The following PLSCR4 variants were observed in gnomAD, a reference collection of about 807,000 sequenced individuals.
PLSCR4 encodes the protein Ca(2+)-dependent phospholipid scramblase 4.
In PLSCR4, 25 loss-of-function variants were observed where a neutral mutation model predicts 36.3. The observed-to-expected ratio is 0.69, with a 90% confidence interval of 0.50 to 0.96. The LOEUF (loss-of-function observed/expected upper bound fraction) is 0.96. PLSCR4 is among the 40% of genes least tolerant of loss of function. PLSCR4 has a pLI of 0.00. For synonymous variants in PLSCR4, 122 were observed against 132.9 expected, an observed-to-expected ratio of 0.92 and a Z score of 0.56; for missense variants, 408 against 414.7, an observed-to-expected ratio of 0.98 and a Z score of 0.14.
At chr3:146,208,143 T>G (rs2034433195) in intron 3 of PLSCR4, among the ~76,000 whole-genome samples, 1 of 152,084 alleles carries the variant, frequency 6.6e-6, no homozygotes, top group Non-Finnish European at 1.5e-5. Flanking sequence ...TACAGCCAAC[T>G]GATCTTTGAC....
intron 2 of PLSCR4, among the ~76,000 whole-genome samples, chr3:146,221,403 A>C (rs1287189608): frequency 6.6e-6 from 1 of 152,244 alleles, no homozygotes; most frequent in Admixed American, 6.5e-5. Flanking sequence ...TGTCACACAC[A>C]ACTGAATTAG....
At chr3:146,211,502 TTTTC>T (rs767925061) in intron 3 of PLSCR4, among the ~76,000 whole-genome samples, 2 of 152,182 alleles carry the variant, frequency 1.3e-5, no homozygotes, top group Non-Finnish European at 2.9e-5. Context: ...GTAGGTTGTC[TTTTC>T]TCTTTGATAG....
At chr3:146,234,177 G>C (rs1222800163) in intron 1 of PLSCR4, among the ~76,000 whole-genome samples, 2 of 152,000 alleles carry the variant, frequency 1.3e-5, no homozygotes, top group Non-Finnish European at 2.9e-5. Context: ...ACCAGAAAAA[G>C]TACAATCAAA....
intron 6 of PLSCR4, among the ~76,000 whole-genome samples, chr3:146,198,221 G>A (rs902182890): frequency 6.6e-6 from 1 of 152,116 alleles, no homozygotes; most frequent in Admixed American, 6.6e-5. Context: ...GAGGACTTTG[G>A]TGATGATGGA....
rs1277182340 is a variant in PLSCR4, at chr3:146,194,438, T to C, written c.963A>G (p.Glu321=). ...ATCTTGAACGTTGTGGTGGAGATCTTTCAAAATACATGAAGTCCTGAAATT... is the reference window on the plus strand; with the variant it reads ...ATCTTGAACGTTGTGGTGGAGATCTCTCAAAATACATGAAGTCCTGAAATT... ...ACFLIDFMYF[E]RSPPQRSR is the part of the protein sequence containing the mutation. The change falls in exon 9 of 9, where the codon GAA becomes GAG. Residue 321 remains glutamate (E), a synonymous_variant. Transcript: ENST00000354952. The C allele has an allele frequency of 1.2e-6, 2 of 1,603,750 alleles. No homozygotes were observed. The highest frequency in any genetic ancestry group is 1.7e-6 in the Non-Finnish European group (2 of 1,170,994).
intron 4 of PLSCR4, among the ~76,000 whole-genome samples, chr3:146,202,004 G>A (rs1294353606): frequency 1.3e-5 from 2 of 151,854 alleles, no homozygotes; most frequent in Admixed American, 6.6e-5. Context: ...ATTAATTAAT[G>A]AAGAATATAT....
intron 5 of PLSCR4, among the ~76,000 whole-genome samples, chr3:146,200,753 A>C (rs1200989219): frequency 6.6e-6 from 1 of 152,024 alleles, no homozygotes; most frequent in Non-Finnish European, 1.5e-5. Flanking sequence ...CATCTTTGAA[A>C]GGTAAATGTG....
chr3:146,195,680 T>C (rs1240366777), intron 7 of PLSCR4, among the ~76,000 whole-genome samples: 2 of 152,192 alleles, frequency 1.3e-5, no homozygotes, highest in Admixed American at 6.5e-5. Context: ...CTTAAGTTTT[T>C]GTGAGTGAAA....
At chr3:146,235,148 A>G (rs1461063019) in intron 1 of PLSCR4, among the ~76,000 whole-genome samples, 1 of 152,162 alleles carries the variant, frequency 6.6e-6, no homozygotes, top group Non-Finnish European at 1.5e-5. Flanking sequence ...AAGAAAATCC[A>G]AAGATGATGA....
intron 1 of PLSCR4, among the ~76,000 whole-genome samples, chr3:146,248,382 C>G (rs984287672): frequency 1.3e-5 from 2 of 152,090 alleles, no homozygotes; most frequent in African/African-American, 4.8e-5. Context: ...CATCACTACT[C>G]ATAATAATAT....
At chr3:146,196,595 G>C (rs565437545) in intron 7 of PLSCR4, 37 bp downstream of exon 7, 1 of 1,599,582 alleles carries the variant, frequency 6.3e-7, no homozygotes, top group South Asian at 1.1e-5. Flanking sequence ...ATATGAGTAG[G>C]AAAAATATCA....
rs2033652670 is a variant in PLSCR4 at position 146,195,149 on chromosome 3, A to T, written c.920T>A (p.Met307Lys). The change falls in exon 8 of 9, where the codon ATG becomes AAG. Residue 307 changes from methionine to lysine, a missense_variant. Transcript: ENST00000354952. ...AATGAGGAAGCAAGCTCCAAAAATC[A>T]TGGCTTTCATCTTCACATCCAGGTC... ...PLDLDVKMKA[M>K]IFGACFLIDF... 2 of 1,613,932 alleles carry T rather than the reference A, an allele frequency of 1.2e-6. No homozygotes were observed. Among genetic ancestry groups the T allele is most frequent in the Non-Finnish European group, 1.7e-6 (2 of 1,179,888 alleles).
intron 1 of PLSCR4, among the ~76,000 whole-genome samples, chr3:146,239,989 T>C (rs907116056): frequency 5.3e-5 from 8 of 152,200 alleles, no homozygotes; most frequent in African/African-American, 9.6e-5. Flanking sequence ...AATGGTTTCA[T>C]TGATATGACA....
intron 2 of PLSCR4, among the ~76,000 whole-genome samples, chr3:146,221,670 A>G (rs2035147551): frequency 6.6e-6 from 1 of 152,202 alleles, no homozygotes. Flanking sequence ...CTCTTTATGT[A>G]AGTTACTAGA....
chr3:146,248,693 A>G (rs2107875500), intron 1 of PLSCR4, among the ~76,000 whole-genome samples: 1 of 152,292 alleles, frequency 6.6e-6, no homozygotes, highest in East Asian at 1.9e-4. Flanking sequence ...TACATTGTAA[A>G]CAATCCTACT....
intron 1 of PLSCR4, among the ~76,000 whole-genome samples, chr3:146,223,034 G>C (rs2035245314): frequency 1.3e-5 from 2 of 152,156 alleles, no homozygotes; most frequent in Admixed American, 1.3e-4. Context: ...AACAAAACTA[G>C]AGAGGAGGAT....
At chr3:146,205,739 G>C (rs1576455376) in intron 4 of PLSCR4, among the ~76,000 whole-genome samples, 1 of 152,052 alleles carries the variant, frequency 6.6e-6, no homozygotes, top group Admixed American at 6.6e-5. Context: ...TTTATTTCTA[G>C]AATTTTCCAT....
chr3:146,223,221 G>A (rs1267325841), intron 1 of PLSCR4, among the ~76,000 whole-genome samples: 3 of 152,040 alleles, frequency 2.0e-5, no homozygotes, highest in South Asian at 2.1e-4. Flanking sequence ...AAGGAATGAG[G>A]GTGAAGGTAA....
At chr3:146,218,700 AT>A (rs949797182) in intron 3 of PLSCR4, among the ~76,000 whole-genome samples, 22 of 152,132 alleles carry the variant, frequency 1.4e-4, no homozygotes, top group African/African-American at 5.3e-4. Flanking sequence ...ACAAAACAAA[AT>A]ATGTTTAACT....
Sources: allele counts gnomAD v4.1 joint callset (sites outside exome capture counted in the v4.1 genomes callset), GRCh38; gene constraint gnomAD v4.1.1; transcripts MANE v1.5; gene names NCBI Gene and HGNC (gene_info 2026-07-23, HGNC 2026-07-21).